Variants in DLGAP4 observed in about 807,000 individuals in gnomAD.
The protein encoded by DLGAP4 is disks large-associated protein 4.
A neutral mutation model predicts 86.9 loss-of-function variants in DLGAP4; 18 were observed. That is an observed-to-expected ratio of 0.21 (90% confidence interval 0.14 to 0.31). The LOEUF (loss-of-function observed/expected upper bound fraction) is 0.31, where lower values mean the gene tolerates loss of function less well. DLGAP4 is among the 10% of genes least tolerant of loss of function. The pLI is 1.00. For missense variants in DLGAP4, 1,085 were observed against 1,362.6 expected, an observed-to-expected ratio of 0.80 and a Z score of 3.21; for synonymous variants, 548 against 574.3, an observed-to-expected ratio of 0.95 and a Z score of 0.65.
chr20:36,461,463 C>G, intron 7 of DLGAP4: 2 of 980,836 alleles, frequency 2.0e-6, no homozygotes, highest in Non-Finnish European at 2.4e-6. Context: ...CCCCGCCCCT[C>G]GGGCGTACAA....
At chr20:36,457,676 C>T (rs576995620) in intron 7 of DLGAP4, among the ~76,000 whole-genome samples, 75 of 151,930 alleles carry the variant, frequency 4.9e-4, no homozygotes, top group African/African-American at 1.8e-3. Context: ...CCACCACGCC[C>T]GGCCAATTTT....
Position 36,406,528 on chromosome 20 carries a change from G to A in DLGAP4, c.-72-25118G>A, listed in dbSNP as rs901750994. Among the ~76,000 whole-genome samples, 11 of 151,986 alleles carry A rather than the reference G, an allele frequency of 7.2e-5. No individual in the cohort carries two copies. The South Asian group carries it at 8.3e-4, about 11-fold the overall frequency. On this transcript the variant is annotated intron_variant, in intron 2 of 12. Coordinates refer to ENST00000339266, the MANE Select transcript of DLGAP4 (RefSeq NM_001365621.2). ...GTTCTGCAAGGCACAGATGCTCTGC[G>A]TGTCTTGGTCACAGGGCTGGGAAGG...
rs994925045 is a variant in DLGAP4, at chr20:36,527,597, C to T, written c.*566C>T. ...CCCAGAGGACAGAGAGATGGACATG[C>T]GTCCCCTCCCTCCCCCCGCCAAGTG... On this transcript the variant is annotated 3_prime_UTR_variant, in exon 13 of 13. Coordinates refer to ENST00000339266, the MANE Select transcript of DLGAP4 (RefSeq NM_001365621.2). 3.3e-5 allele frequency: 5 copies of T among 152,870 alleles called. No individual in the cohort carries two copies. The highest frequency in any genetic ancestry group is 9.7e-5 in the African/African-American group (4 of 41,428). 9.5% of individuals were successfully genotyped at this position (152,870 alleles called of 1,614,324 possible).
rs2065028573 is a variant in DLGAP4, at chr20:36,308,872, T to A, written c.-304+2360T>A. 6.6e-6 allele frequency among the ~76,000 whole-genome samples: 1 copy of A among 152,144 alleles called. No homozygotes were observed. Among genetic ancestry groups the A allele is most frequent in the African/African-American group, 2.4e-5 (1 of 41,422 alleles). On this transcript the variant is annotated intron_variant, in intron 1 of 12. Coordinates refer to ENST00000339266, the MANE Select transcript of DLGAP4 (RefSeq NM_001365621.2). The surrounding 1 kb of genome is among the most constrained non-coding windows in gnomAD (Gnocchi z 4.5). ...CATTCTGAAATGTGAATTAATAAAATCTTGAATGCAGGGTTTTTTTTTATA... is the reference window on the plus strand; with the variant it reads ...CATTCTGAAATGTGAATTAATAAAAACTTGAATGCAGGGTTTTTTTTTATA...
intron 10 of DLGAP4, among the ~76,000 whole-genome samples, chr20:36,509,918 G>A (rs1239922806): frequency 3.3e-5 from 5 of 151,448 alleles, no homozygotes; most frequent in Admixed American, 6.6e-5. Context: ...GTGCAATAGC[G>A]TGATCTCAGA....
intron 2 of DLGAP4, among the ~76,000 whole-genome samples, chr20:36,409,417 T>C (rs900229360): frequency 2.7e-5 from 3 of 110,652 alleles, no homozygotes; most frequent in Non-Finnish European, 3.7e-5. Context: ...TTTAACTCTT[T>C]TTTTTTTTTT....
chr20:36,355,893 C>T (rs1346490110), intron 1 of DLGAP4, among the ~76,000 whole-genome samples: 1 of 152,130 alleles, frequency 6.6e-6, no homozygotes, highest in Non-Finnish European at 1.5e-5. Context: ...AAACTGACTC[C>T]ACCCCTCCCG....
intron 7 of DLGAP4, among the ~76,000 whole-genome samples, chr20:36,457,271 T>A (rs1415334881): frequency 6.6e-6 from 1 of 151,808 alleles, no homozygotes; most frequent in Non-Finnish European, 1.5e-5. Flanking sequence ...CAGGCTGGCG[T>A]GCAGTAGCGA....
At chr20:36,360,637 G>T (rs1478825070) in intron 1 of DLGAP4, among the ~76,000 whole-genome samples, 1 of 152,024 alleles carries the variant, frequency 6.6e-6, no homozygotes, top group Non-Finnish European at 1.5e-5. Context: ...CTGGAAGGGT[G>T]GGGGGAGTAG....
intron 1 of DLGAP4, among the ~76,000 whole-genome samples, chr20:36,314,093 G>C (rs1476853735): frequency 6.6e-6 from 1 of 151,978 alleles, no homozygotes; most frequent in Non-Finnish European, 1.5e-5. Context: ...AGGGATTCCT[G>C]GAGGACTGGG....
chr20:36,420,701 T>G (rs1345797506), intron 2 of DLGAP4, among the ~76,000 whole-genome samples: 1 of 151,582 alleles, frequency 6.6e-6, no homozygotes, highest in Admixed American at 6.6e-5. Context: ...AGGCTGGGTG[T>G]GGTAGCTCAC....
At chr20:36,400,813 T>G (rs2032136039) in intron 2 of DLGAP4, among the ~76,000 whole-genome samples, 1 of 141,728 alleles carries the variant, frequency 7.1e-6, no homozygotes, top group Admixed American at 7.1e-5. Flanking sequence ...GGAATGGGAG[T>G]GAAGGAGGGG....
intron 1 of DLGAP4, among the ~76,000 whole-genome samples, chr20:36,328,076 G>A (rs1555891148): frequency 6.6e-6 from 1 of 151,946 alleles, no homozygotes; most frequent in African/African-American, 2.4e-5. Context: ...GTACACGCCT[G>A]TAATCCCAGC....
rs1196722705 is a variant in DLGAP4 at position 36,527,227 on chromosome 20, C to CTCACAAAA, written c.*197_*204dup. On this transcript the variant is annotated 3_prime_UTR_variant, in exon 13 of 13. Transcript: ENST00000339266. Reference sequence around the variant, plus strand: ...CCAGCTTTAGGTTATGAAGATTTTACTCACAAAAAAAATCAACAAAAATCA... The same window carrying CTCACAAAA: ...CCAGCTTTAGGTTATGAAGATTTTACTCACAAAATCACAAAAAAAATCAACAAAAATCA... The CTCACAAAA allele has an allele frequency of 4.1e-6, 2 of 483,358 alleles. No homozygotes were observed. Among genetic ancestry groups the CTCACAAAA allele is most frequent in the Non-Finnish European group, 7.1e-6 (2 of 280,766 alleles). 29.9% of individuals were successfully genotyped at this position (483,358 alleles called of 1,614,324 possible).
At chr20:36,411,640 G>C (rs916988193) in intron 2 of DLGAP4, among the ~76,000 whole-genome samples, 2 of 152,164 alleles carry the variant, frequency 1.3e-5, no homozygotes, top group Admixed American at 1.3e-4. Context: ...CATGGCCTTT[G>C]GGGTCTCCTC....
chr20:36,431,717 C>T lies in DLGAP4; in HGVS notation c.-1C>T. On this transcript the variant is annotated 5_prime_UTR_variant, in exon 3 of 13. Coordinates refer to ENST00000339266, the MANE Select transcript of DLGAP4 (RefSeq NM_001365621.2). This position sits in a 1 kb window ranked among gnomAD's most constrained non-coding sequence, Gnocchi z 5.1. ...AAGGCCCCTGCCCTCGGCCCGGGAT[C>T]ATGAAAGGCCTCGGTGACAGCCGCC... 1 of 1,587,890 alleles carries T rather than the reference C, an allele frequency of 6.3e-7. No homozygotes were observed. Among genetic ancestry groups the T allele is most frequent in the Non-Finnish European group, 8.6e-7 (1 of 1,164,592 alleles).
At chr20:36,453,934 C>CAAAAAAAAAAAAAAAAAAAAAAA (rs1194294335) in intron 7 of DLGAP4, among the ~76,000 whole-genome samples, 2 of 42,672 alleles carry the variant, frequency 4.7e-5, no homozygotes, top group Admixed American at 2.8e-4. Context: ...ACTCTGTCTC[C>CAAAAAAAAAAAAAAAAAAAAAAA]AAAAAAAAAA....
chr20:36,379,160 A>G (rs1021793194), intron 2 of DLGAP4, among the ~76,000 whole-genome samples: 1 of 152,182 alleles, frequency 6.6e-6, no homozygotes. Flanking sequence ...TCAAGCACAC[A>G]CTGGAGCTGG....
chr20:36,342,362 G>A (rs1267956819), intron 1 of DLGAP4, among the ~76,000 whole-genome samples: 4 of 152,218 alleles, frequency 2.6e-5, no homozygotes, highest in Admixed American at 2.6e-4. Context: ...GGGCTGGATA[G>A]ACAGGGTAGG....
Sources: allele counts gnomAD v4.1 joint callset (sites outside exome capture counted in the v4.1 genomes callset), GRCh38; gene constraint gnomAD v4.1.1; non-coding constraint Gnocchi (gnomAD v3.1); transcripts MANE v1.5; gene names NCBI Gene and HGNC (gene_info 2026-07-23, HGNC 2026-07-21).